KCNH5: variants seen among roughly 807,000 people sequenced by gnomAD.
KCNH5 encodes potassium voltage-gated channel subfamily H member 5.
In KCNH5, 46 loss-of-function variants were observed where a neutral mutation model predicts 96.1. The observed-to-expected ratio is 0.48, with a 90% confidence interval of 0.38 to 0.61. The LOEUF (loss-of-function observed/expected upper bound fraction) is 0.61, where lower values mean the gene tolerates loss of function less well. KCNH5 is among the 20% of genes least tolerant of loss of function. The pLI, the probability that KCNH5 is intolerant of heterozygous loss-of-function variation, is 0.00. For missense variants in KCNH5, 907 were observed against 1,225.8 expected (o/e 0.74, Z 3.88); for synonymous variants, 439 against 449.8 (o/e 0.98, Z 0.30).
intron 1 of KCNH5, among the ~76,000 whole-genome samples, chr14:63,023,985 A>C (rs968809937): frequency 6.6e-6 from 1 of 152,104 alleles, no homozygotes; most frequent in African/African-American, 2.4e-5. Flanking sequence ...TGAGCCAGGC[A>C]AATCATGAGG....
chr14:62,879,499 G>A (rs1014894862), intron 7 of KCNH5, among the ~76,000 whole-genome samples: 3 of 151,988 alleles, frequency 2.0e-5, no homozygotes, highest in African/African-American at 4.8e-5. Flanking sequence ...TCTTTAACCC[G>A]CAAATTATTA....
chr14:62,899,252 T>TA (rs1300208643), intron 7 of KCNH5, among the ~76,000 whole-genome samples: 30 of 152,180 alleles, frequency 2.0e-4, no homozygotes, highest in African/African-American at 6.0e-4. Flanking sequence ...ATATTAAAAA[T>TA]TAATAGCAAA....
chr14:62,793,912 A>C (rs1886486270), intron 9 of KCNH5, among the ~76,000 whole-genome samples: 1 of 151,980 alleles, frequency 6.6e-6, no homozygotes, highest in Non-Finnish European at 1.5e-5. Context: ...GAAATTAGGA[A>C]AGACCTCACA....
chr14:62,935,261 A>G (rs1889656445), intron 7 of KCNH5, among the ~76,000 whole-genome samples: 1 of 152,222 alleles, frequency 6.6e-6, no homozygotes, highest in Non-Finnish European at 1.5e-5. Context: ...AGATCAAAAT[A>G]CATTTATCTC....
At chr14:62,889,085 G>T (rs1888653367) in intron 7 of KCNH5, among the ~76,000 whole-genome samples, 1 of 152,160 alleles carries the variant, frequency 6.6e-6, no homozygotes, top group African/African-American at 2.4e-5. Flanking sequence ...GGCTGGATGT[G>T]CATGAGCTCT....
intron 6 of KCNH5, among the ~76,000 whole-genome samples, chr14:62,974,490 T>C (rs1890466112): frequency 6.6e-6 from 1 of 152,202 alleles, no homozygotes; most frequent in Non-Finnish European, 1.5e-5. Context: ...AGAAAATTTA[T>C]GTTCCTTCTT....
chr14:62,770,301 A>G (rs1490847582), intron 10 of KCNH5, among the ~76,000 whole-genome samples: 1 of 152,218 alleles, frequency 6.6e-6, no homozygotes, highest in Non-Finnish European at 1.5e-5. Context: ...AGCTTCATTG[A>G]TCACAGAAAA....
intron 7 of KCNH5, among the ~76,000 whole-genome samples, chr14:62,864,034 A>G (rs897273101): frequency 2.2e-4 from 34 of 152,160 alleles, no homozygotes; most frequent in Admixed American, 8.5e-4. Flanking sequence ...TGTTCTCCTT[A>G]CTTCTATTCT....
rs138512845 is a variant in KCNH5 at position 62,923,215 on chromosome 14, T to C, written c.1369+26918A>G. Among the ~76,000 whole-genome samples, 557 of 151,970 alleles carry C rather than the reference T, an allele frequency of 3.7e-3. 3 individuals are homozygous for C. Among genetic ancestry groups the C allele is most frequent in the African/African-American group, 0.012 (506 of 41,526 alleles). On this transcript the variant is annotated intron_variant, in intron 7 of 10. Transcript: ENST00000322893. ...AACAGAGATTAAGAAAGCAATCCCA[T>C]TCACAATAGCATCAAGGAGAATAAA... is the stretch of plus-strand genomic sequence containing the variant.
chr14:62,771,700 C>A (rs1885991353), intron 10 of KCNH5, among the ~76,000 whole-genome samples: 1 of 152,086 alleles, frequency 6.6e-6, no homozygotes, highest in African/African-American at 2.4e-5. Context: ...ACAATGGAAG[C>A]AATTCTTTGA....
At chr14:62,710,339 T>TA (rs1884541717) in intron 10 of KCNH5, among the ~76,000 whole-genome samples, 1 of 152,230 alleles carries the variant, frequency 6.6e-6, no homozygotes, top group Non-Finnish European at 1.5e-5. Context: ...TGGGTCTTTT[T>TA]AAAATATGTA....
chr14:62,715,552 G>C (rs2139907461), intron 10 of KCNH5, among the ~76,000 whole-genome samples: 2 of 152,262 alleles, frequency 1.3e-5, no homozygotes, highest in Middle Eastern at 3.4e-3. Flanking sequence ...TCTCAGTGAA[G>C]GCCACAGTGA....
intron 2 of KCNH5, among the ~76,000 whole-genome samples, chr14:63,015,833 T>A (rs2139606631): frequency 6.6e-6 from 1 of 152,030 alleles, no homozygotes; most frequent in Non-Finnish European, 1.5e-5. Context: ...TCTGATCACA[T>A]TTGGTTGAAA....
In KCNH5 at chr14:62,762,939, T is replaced by A. The variant is rs976348969; in HGVS notation, c.2019+16789A>T. Among the ~76,000 whole-genome samples, 12 of 152,228 alleles carry A rather than the reference T, an allele frequency of 7.9e-5. 1 individual carries two copies. In the South Asian group the frequency reaches 2.5e-3, roughly 32 times the overall value. On this transcript the variant is annotated intron_variant, in intron 10 of 10. Transcript: ENST00000322893. Reference sequence around the variant, plus strand: ...AGAGACTTAGATAACCACCCTATAATAATGGGAGACTTCAACACCCCACTG... The same window carrying A: ...AGAGACTTAGATAACCACCCTATAAAAATGGGAGACTTCAACACCCCACTG...
chr14:62,872,193 C>A (rs1888270091), intron 7 of KCNH5, among the ~76,000 whole-genome samples: 1 of 152,102 alleles, frequency 6.6e-6, no homozygotes, highest in Non-Finnish European at 1.5e-5. Context: ...GTCAGATGCA[C>A]AGATAACACA....
At chr14:62,984,917 C>T (rs1890676427) in intron 5 of KCNH5, among the ~76,000 whole-genome samples, 2 of 152,124 alleles carry the variant, frequency 1.3e-5, no homozygotes, top group African/African-American at 4.8e-5. Flanking sequence ...TTCTCTATGG[C>T]CCCCTTTCAC....
intron 6 of KCNH5, among the ~76,000 whole-genome samples, chr14:62,977,325 A>T (rs1890520576): frequency 2.0e-5 from 3 of 151,978 alleles, no homozygotes; most frequent in African/African-American, 7.3e-5. Context: ...ACACCACTGC[A>T]CTCTCGCCTG....
chr14:62,714,896 C>T (rs1884650677), intron 10 of KCNH5, among the ~76,000 whole-genome samples: 1 of 152,100 alleles, frequency 6.6e-6, no homozygotes, highest in Non-Finnish European at 1.5e-5. Context: ...AAATTAAGGA[C>T]AAAATTTAAA....
intron 2 of KCNH5, among the ~76,000 whole-genome samples, chr14:63,010,523 C>T (rs922517092): frequency 1.3e-5 from 2 of 152,110 alleles, no homozygotes; most frequent in Non-Finnish European, 2.9e-5. Flanking sequence ...TTGAAGCAAA[C>T]GCTCACTCAG....
Sources: gnomAD v4.1 joint callset for allele counts (sites outside exome capture counted in the v4.1 genomes callset) on GRCh38, gnomAD v4.1.1 for gene constraint, MANE v1.5 for transcripts, NCBI Gene and HGNC (gene_info 2026-07-23, HGNC 2026-07-21) for gene names.